ANKRD35: variants seen among roughly 807,000 people sequenced by gnomAD.
ANKRD35 encodes ankyrin repeat domain-containing protein 35.
A neutral mutation model predicts 109.9 loss-of-function variants in ANKRD35; 102 were observed. The ratio of observed to expected loss-of-function variants is 0.93; its 90% CI spans 0.79 to 1.09. The LOEUF (loss-of-function observed/expected upper bound fraction) is 1.09. ANKRD35 is among the 50% of genes least tolerant of loss of function. ANKRD35 has a pLI of 0.00. For missense variants in ANKRD35, 1,240 were observed against 1,230.1 expected (o/e 1.01, Z -0.12); for synonymous variants, 515 against 512.4 (o/e 1.01, Z -0.07).
At position 145,873,877 on chromosome 1, in the gene ANKRD35, A is replaced by G. The variant is rs782579884; in HGVS notation, c.892T>C (p.Trp298Arg). 12 of 1,611,600 alleles carry G rather than the reference A, an allele frequency of 7.4e-6. No individual in the cohort carries two copies. The African/African-American group carries it at 1.1e-4, about 15-fold the overall frequency. The stretch of plus-strand genomic sequence containing the variant: ...CGCTCCTCTTCATACTTCCACCTCC[A>G]CTCCTCCGAGCACGGGTCTTCATCC... ...KEDEDPCSEE[W>R]RWKYEEERRK... The change falls in exon 10 of 14, where the codon TGG (tryptophan) becomes CGG (arginine). Residue 298 changes from tryptophan to arginine, a missense_variant. Transcript: ENST00000355594.
intron 8 of ANKRD35, 134 bp downstream of exon 8, chr1:145,874,688 G>T: frequency 8.9e-7 from 1 of 1,124,010 alleles, no homozygotes; most frequent in African/African-American, 1.6e-5. Flanking sequence ...TCTCACAGTA[G>T]CAGCAATAAA....
chr1:145,884,343 G>A (rs769786302), intron 1 of ANKRD35, among the ~76,000 whole-genome samples: 1 of 152,200 alleles, frequency 6.6e-6, no homozygotes, highest in Non-Finnish European at 1.5e-5. Flanking sequence ...AGTGGGACAA[G>A]GACAGGCCTC....
chr1:145,878,682 A>G (rs1435792517), intron 2 of ANKRD35, among the ~76,000 whole-genome samples: 3 of 152,232 alleles, frequency 2.0e-5, no homozygotes, highest in African/African-American at 7.2e-5. Context: ...CAAGGAAGAA[A>G]TAAGAGCTAC....
In ANKRD35 at chr1:145,872,516, T is replaced by C. The variant is rs782396276; in HGVS notation, c.2253A>G (p.Gln751=). ...ACCCCCGCAACTGCTGGTTTTCTTCTTGCAGCCGAGCCAGCACCTGCTGGG... is the reference window on the plus strand; with the variant it reads ...ACCCCCGCAACTGCTGGTTTTCTTCCTGCAGCCGAGCCAGCACCTGCTGGG... ...REAQQVLARL[Q]EENQQLRGSL... Residue 751 remains glutamine, a synonymous_variant, in exon 10 of 14, where the codon CAA becomes CAG. Coordinates refer to ENST00000355594, the MANE Select transcript of ANKRD35 (RefSeq NM_144698.5). 2.5e-6 allele frequency: 4 copies of C among 1,603,086 alleles called. No individual in the cohort carries two copies. In the South Asian group the frequency reaches 4.5e-5, roughly 18 times the overall value.
chr1:145,873,308 G>A lies in ANKRD35; in HGVS notation c.1461C>T (p.Ala487=). 6.2e-7 allele frequency: 1 copy of A among 1,614,142 alleles called. No individual in the cohort carries two copies. The highest frequency in any genetic ancestry group is 8.5e-7 in the Non-Finnish European group (1 of 1,180,004). The change falls in exon 10 of 14, where the codon GCC becomes GCT. Residue 487 remains alanine (A), a synonymous_variant. Transcript: ENST00000355594. ...GTVAEPVGPA[A]MNQLLLQLRE... ...TTAGTTGAAGCAGAAGCTGGTTCAT[G>A]GCTGCTGGGCCCACTGGTTCAGCCA...
chr1:145,870,326 T>C (rs950645020), intron 10 of ANKRD35, among the ~76,000 whole-genome samples: 1 of 151,752 alleles, frequency 6.6e-6, no homozygotes, highest in African/African-American at 2.4e-5. Context: ...TCTCCTGACC[T>C]CGTGATCCGC....
intron 1 of ANKRD35, among the ~76,000 whole-genome samples, chr1:145,884,095 G>A (rs949757020): frequency 6.6e-6 from 1 of 152,146 alleles, no homozygotes; most frequent in Non-Finnish European, 1.5e-5. Flanking sequence ...AAGGATTGGG[G>A]GATCAGAAAG....
At chr1:145,879,108 A>G (rs1434840135) in intron 2 of ANKRD35, 150 bp downstream of exon 2, 1 of 1,128,032 alleles carries the variant, frequency 8.9e-7, no homozygotes, top group Non-Finnish European at 1.2e-6. Flanking sequence ...TAGAACTTAT[A>G]TGTAGCAAAA....
chr1:145,870,253 G>A (rs1438644413), intron 10 of ANKRD35, among the ~76,000 whole-genome samples: 2 of 151,846 alleles, frequency 1.3e-5, no homozygotes, highest in East Asian at 1.9e-4. Flanking sequence ...CACCACGCCC[G>A]GATAATTTTT....
chr1:145,878,291 G>A, intron 3 of ANKRD35, 100 bp downstream of exon 3: 2 of 1,269,374 alleles, frequency 1.6e-6, no homozygotes, highest in Non-Finnish European at 2.2e-6. Context: ...GAGAAGCAAG[G>A]GGCCACAGTA....
chr1:145,873,513 C>T lies in ANKRD35; in HGVS notation c.1256G>A (p.Arg419Lys), dbSNP rs782312525. 1 of 1,614,012 alleles carries T rather than the reference C, an allele frequency of 6.2e-7. No homozygotes were observed. Among genetic ancestry groups the T allele is most frequent in the East Asian group, 2.2e-5 (1 of 44,872 alleles). ...PGKIQYEVHG[R>K]SQPEEQGPPQ... ...TGGCCCCTGTTCTTCTGGTTGGGAC[C>T]TTCCATGGACTTCATACTGGATCTT... The change falls in exon 10 of 14, where the codon AGG (arginine) becomes AAG (lysine). Residue 419 changes from arginine (R) to lysine (K), a missense_variant. Coordinates refer to ENST00000355594, the MANE Select transcript of ANKRD35 (RefSeq NM_144698.5).
intron 1 of ANKRD35, among the ~76,000 whole-genome samples, chr1:145,884,771 A>G (rs1275554278): frequency 6.6e-6 from 1 of 152,126 alleles, no homozygotes; most frequent in Non-Finnish European, 1.5e-5. Context: ...TTCCTAAGCA[A>G]CTGGGCAAGG....
In ANKRD35 at chr1:145,875,025, C is replaced by G; in HGVS notation, c.561-19G>C. The G allele has an allele frequency of 6.3e-7, 1 of 1,575,960 alleles. No homozygotes were observed. The highest frequency in any genetic ancestry group is 8.6e-7 in the Non-Finnish European group (1 of 1,159,574). On this transcript the variant is annotated intron_variant, in intron 7 of 13. Coordinates refer to ENST00000355594, the MANE Select transcript of ANKRD35 (RefSeq NM_144698.5). ...AGCCGATCTGTGGGTTGAGACAAATCTGAGCACAGACTTTCCACATGGAAC... is the reference window on the plus strand; with the variant it reads ...AGCCGATCTGTGGGTTGAGACAAATGTGAGCACAGACTTTCCACATGGAAC...
In ANKRD35 at chr1:145,874,831, G is replaced by A. The variant is rs138741415; in HGVS notation, c.736C>T (p.Arg246Trp). ...ACACAAGGGCCTTTACCGCCCCGCC[G>A]CCGCCGGCTCAGGGCCTGCTGTAGG... ...RHLQQALSRR[R>W]RGGQRLVQHP... Residue 246 changes from arginine to tryptophan, a missense_variant, in exon 8 of 14, where the codon CGG becomes TGG. Transcript: ENST00000355594. The A allele has an allele frequency of 3.9e-5, 62 of 1,588,672 alleles. No individual in the cohort carries two copies. Among genetic ancestry groups the A allele is most frequent in the African/African-American group, 3.7e-4 (27 of 73,734 alleles).
At chr1:145,867,129 A>G (rs1653634652) in intron 13 of ANKRD35, among the ~76,000 whole-genome samples, 158 bp downstream of exon 13, 1 of 152,018 alleles carries the variant, frequency 6.6e-6, no homozygotes, top group Non-Finnish European at 1.5e-5. Context: ...GTGATTCTCC[A>G]TGTTCTGTCT....
chr1:145,875,920 C>CG (rs1239289565), intron 7 of ANKRD35, among the ~76,000 whole-genome samples: 1 of 152,090 alleles, frequency 6.6e-6, no homozygotes, highest in Non-Finnish European at 1.5e-5. Flanking sequence ...CCAGAAGTGT[C>CG]GATTCTACTT....
At chr1:145,876,032 G>C in intron 7 of ANKRD35, 108 bp downstream of exon 7, 1 of 982,330 alleles carries the variant, frequency 1.0e-6, no homozygotes, top group Non-Finnish European at 1.5e-6. Flanking sequence ...AGACCAACCT[G>C]ACTTCTTCCC....
Position 145,877,988 on chromosome 1 carries a change from A to T in ANKRD35, c.304T>A (p.Cys102Ser), listed in dbSNP as rs587675329. The T allele has an allele frequency of 5.0e-6, 8 of 1,613,978 alleles. No homozygotes were observed. In the East Asian group the frequency reaches 1.8e-4, roughly 36 times the overall value. ...HLATISCQPQ[C>S]VKVLLQHGAN... ...CTTACCTGAAGCAGAACCTTAACAC[A>T]CTGTGGCTGGCAGGAGATGGTGGCC... Residue 102 changes from cysteine to serine, a missense_variant, in exon 4 of 14, where the codon TGT becomes AGT. Transcript: ENST00000355594.
chr1:145,873,052 C>T lies in ANKRD35; in HGVS notation c.1717G>A (p.Ala573Thr), dbSNP rs201706039. 63 of 1,611,628 alleles carry T rather than the reference C, an allele frequency of 3.9e-5. No individual in the cohort carries two copies. In the East Asian group the frequency reaches 1.4e-3, roughly 35 times the overall value. Reference protein sequence around the residue: ...SQESREGALKAAPGSIKQDEE... With the variant: ...SQESREGALKTAPGSIKQDEE... ...TCCTGTTTGATGCTCCCTGGGGCTG[C>T]CTTTAGGGCTCCCTCTCTGGACTCC... Residue 573 changes from alanine (A) to threonine (T), a missense_variant, in exon 10 of 14, where the codon GCA becomes ACA. By Grantham distance (58) the Ala-to-Thr change is moderately conservative (BLOSUM62 0). Coordinates refer to ENST00000355594, the MANE Select transcript of ANKRD35 (RefSeq NM_144698.5).
Sources: gnomAD v4.1 joint callset for allele counts (sites outside exome capture counted in the v4.1 genomes callset) on GRCh38, gnomAD v4.1.1 for gene constraint, MANE v1.5 for transcripts, NCBI Gene and HGNC (gene_info 2026-07-23, HGNC 2026-07-21) for gene names.